Variants in PCDH15 observed in about 807,000 individuals in gnomAD.
PCDH15 encodes protocadherin-15.
A neutral mutation model predicts 178.5 loss-of-function variants in PCDH15; 129 were observed. The ratio of observed to expected loss-of-function variants is 0.72; its 90% CI spans 0.63 to 0.84. The LOEUF (loss-of-function observed/expected upper bound fraction) is 0.84, where lower values mean the gene tolerates loss of function less well. Among genes scored for constraint, PCDH15 ranks in the 40% least tolerant of loss-of-function variants. The pLI is 0.00. For synonymous variants in PCDH15, 800 were observed against 732.0 expected, an observed-to-expected ratio of 1.09 and a Z score of -1.50; for missense variants, 2,230 against 2,099.9, an observed-to-expected ratio of 1.06 and a Z score of -1.21.
chr10:54,485,046 T>C (rs1480479870), intron 3 of PCDH15, among the ~76,000 whole-genome samples: 1 of 151,904 alleles, frequency 6.6e-6, no homozygotes, highest in Non-Finnish European at 1.5e-5. Flanking sequence ...ATTAACAATA[T>C]ATAAGCAACT....
intron 2 of PCDH15, among the ~76,000 whole-genome samples, chr10:54,615,994 G>A (rs942664749): frequency 2.6e-5 from 4 of 152,066 alleles, no homozygotes; most frequent in Admixed American, 1.3e-4. Flanking sequence ...GACTATACTT[G>A]GAAATTGTTG....
chr10:55,310,067 G>A (rs1013340403), intron 1 of PCDH15, among the ~76,000 whole-genome samples: 1 of 151,172 alleles, frequency 6.6e-6, no homozygotes, highest in African/African-American at 2.4e-5. Context: ...TTTCCTTTTT[G>A]GAGCTTACAC....
chr10:54,691,354 A>G (rs1211574089), intron 1 of PCDH15, among the ~76,000 whole-genome samples: 1 of 152,052 alleles, frequency 6.6e-6, no homozygotes, highest in African/African-American at 2.4e-5. Flanking sequence ...CTCTCAAACC[A>G]AGAAATTCTC....
At chr10:55,301,206 A>G (rs1450243867) in intron 1 of PCDH15, among the ~76,000 whole-genome samples, 1 of 152,164 alleles carries the variant, frequency 6.6e-6, no homozygotes, top group East Asian at 1.9e-4. Context: ...TTGGTAATGC[A>G]ATTTTACATT....
At chr10:54,152,915 T>C (rs1442665415) in intron 14 of PCDH15, among the ~76,000 whole-genome samples, 185 bp downstream of exon 14, 1 of 152,104 alleles carries the variant, frequency 6.6e-6, no homozygotes, top group Non-Finnish European at 1.5e-5. Context: ...CCTCTGATAT[T>C]GTCCTCTTCC....
At chr10:54,720,909 T>A (rs1322063536) in intron 1 of PCDH15, among the ~76,000 whole-genome samples, 1 of 152,032 alleles carries the variant, frequency 6.6e-6, no homozygotes, top group East Asian at 1.9e-4. Flanking sequence ...GTATTTACAT[T>A]ACATTTCATC....
At chr10:55,522,838 C>T (rs1009445253) in intron 2 of PCDH15, among the ~76,000 whole-genome samples, 5 of 151,598 alleles carry the variant, frequency 3.3e-5, no homozygotes, top group African/African-American at 1.2e-4. Context: ...TTTATGATTA[C>T]TATTTTGTTC....
At chr10:54,668,193 T>A (rs900796809) in intron 1 of PCDH15, among the ~76,000 whole-genome samples, 1 of 151,996 alleles carries the variant, frequency 6.6e-6, no homozygotes, top group Non-Finnish European at 1.5e-5. Flanking sequence ...TTGGAAAATA[T>A]CAGTGAACAA....
At chr10:55,369,935 T>A (rs1023130279) in intron 2 of PCDH15, among the ~76,000 whole-genome samples, 17 of 151,686 alleles carry the variant, frequency 1.1e-4, no homozygotes, top group African/African-American at 4.1e-4. Flanking sequence ...GAAAGCAAAA[T>A]GGTCAAGTAA....
At chr10:55,331,947 C>G (rs754262790) in intron 2 of PCDH15, among the ~76,000 whole-genome samples, 7 of 151,946 alleles carry the variant, frequency 4.6e-5, no homozygotes, top group African/African-American at 9.7e-5. Flanking sequence ...AGATGACATG[C>G]AAAATAATCA....
chr10:54,488,649 T>A (rs1486513248), intron 3 of PCDH15, among the ~76,000 whole-genome samples: 1 of 151,988 alleles, frequency 6.6e-6, no homozygotes, highest in Non-Finnish European at 1.5e-5. Flanking sequence ...AAAAGAAAGA[T>A]AATGCACTTT....
intron 2 of PCDH15, among the ~76,000 whole-genome samples, chr10:55,084,640 C>A (rs543623128): frequency 6.6e-6 from 1 of 151,640 alleles, no homozygotes; most frequent in Non-Finnish European, 1.5e-5. Context: ...AAGAGACAAC[C>A]CACAAAATGG....
chr10:53,862,639 A>T (rs2079175979), intron 27 of PCDH15, among the ~76,000 whole-genome samples: 1 of 152,188 alleles, frequency 6.6e-6, no homozygotes, highest in South Asian at 2.1e-4. Context: ...CAATGAAATG[A>T]CAGGCTCCCT....
rs550732799 is a variant in PCDH15, at chr10:55,426,331, G to C, written c.-156+201294C>G. On this transcript the variant is annotated intron_variant, in intron 2 of 5. Coordinates refer to the PCDH15 transcript ENST00000613346. The stretch of plus-strand genomic sequence containing the variant: ...GAGGCGTGAACAGGAGTACACCAGC[G>C]TTTGAGCCATCTGGCTGCTCTGGTG... Among the ~76,000 whole-genome samples the C allele has an allele frequency of 3.3e-5, 5 of 152,252 alleles. No homozygotes were observed. The South Asian group carries it at 6.2e-4, about 19-fold the overall frequency.
chr10:54,203,019 G>T (rs1473010603), intron 10 of PCDH15, among the ~76,000 whole-genome samples: 1 of 151,982 alleles, frequency 6.6e-6, no homozygotes, highest in Non-Finnish European at 1.5e-5. Context: ...AGCCCTATTG[G>T]TTAGGGCTAT....
chr10:54,604,386 A>C (rs1372033334), intron 2 of PCDH15, among the ~76,000 whole-genome samples: 1 of 151,964 alleles, frequency 6.6e-6, no homozygotes, highest in East Asian at 1.9e-4. Context: ...AAAATCTTCT[A>C]GTATTATTGT....
chr10:55,417,803 C>A (rs1248987326), intron 2 of PCDH15, among the ~76,000 whole-genome samples: 4 of 148,808 alleles, frequency 2.7e-5, no homozygotes, highest in South Asian at 2.1e-4. Context: ...GGAAACAGAA[C>A]CCACCCAGAA....
At chr10:55,266,776 G>C (rs543652825) in intron 1 of PCDH15, among the ~76,000 whole-genome samples, 14 of 152,252 alleles carry the variant, frequency 9.2e-5, no homozygotes, top group African/African-American at 2.9e-4. Context: ...TCTGGCCAAG[G>C]TGGTCAGAGG....
intron 3 of PCDH15, among the ~76,000 whole-genome samples, chr10:54,436,106 G>GGAAGGAAA (rs1445282287): frequency 1.4e-5 from 2 of 145,138 alleles, no homozygotes; most frequent in African/African-American, 5.3e-5. Flanking sequence ...AAGGAGGGAA[G>GGAAGGAAA]GAAGGAAAGA....
Sources: allele counts gnomAD v4.1 joint callset (sites outside exome capture counted in the v4.1 genomes callset), GRCh38; gene constraint gnomAD v4.1.1; transcripts MANE v1.5; gene names NCBI Gene and HGNC (gene_info 2026-07-23, HGNC 2026-07-21).